Variants in GPC5 observed in about 807,000 individuals in gnomAD.
GPC5 encodes glypican-5.
A neutral mutation model predicts 53.9 loss-of-function variants in GPC5; 47 were observed. That is an observed-to-expected ratio of 0.87 (90% CI 0.69 to 1.11). The LOEUF is 1.11. Among genes scored for constraint, GPC5 ranks in the 50% most tolerant of loss-of-function variants. GPC5 has a pLI of 0.00. For synonymous variants in GPC5, 286 were observed against 263.3 expected, an observed-to-expected ratio of 1.09 and a Z score of -0.84; for missense variants, 748 against 713.1, an observed-to-expected ratio of 1.05 and a Z score of -0.56.
intron 7 of GPC5, among the ~76,000 whole-genome samples, chr13:92,287,604 C>T (rs1158755834): frequency 6.6e-6 from 1 of 152,112 alleles, no homozygotes; most frequent in Non-Finnish European, 1.5e-5. Flanking sequence ...ATCTCAGGGT[C>T]CTACAGCTTT....
intron 5 of GPC5, among the ~76,000 whole-genome samples, chr13:91,761,425 C>A (rs1208585856): frequency 6.6e-6 from 1 of 151,996 alleles, no homozygotes; most frequent in Non-Finnish European, 1.5e-5. Flanking sequence ...AATTCAATTC[C>A]AACACTATCT....
At chr13:92,403,381 G>C (rs1875645006) in intron 7 of GPC5, among the ~76,000 whole-genome samples, 1 of 152,184 alleles carries the variant, frequency 6.6e-6, no homozygotes, top group Non-Finnish European at 1.5e-5. Flanking sequence ...CCCATGGCCT[G>C]TTAGGAACTG....
In GPC5 at chr13:92,426,056, G is replaced by A. The variant is rs116963162; in HGVS notation, c.1561+281067G>A. On this transcript the variant is annotated intron_variant, in intron 7 of 7. Coordinates refer to ENST00000377067, the MANE Select transcript of GPC5 (RefSeq NM_004466.6). ...TTTTCTGTTAAAACAATACAACACC[G>A]AACACTGAAGGCCTCTGAGATTCCA... Among the ~76,000 whole-genome samples the A allele has an allele frequency of 5.2e-3, 794 of 152,062 alleles. 13 individuals are homozygous for A. Among genetic ancestry groups the A allele is most frequent in the Middle Eastern group, 0.027 (8 of 294 alleles).
intron 7 of GPC5, among the ~76,000 whole-genome samples, chr13:92,840,678 T>C (rs1039718852): frequency 3.3e-5 from 5 of 152,104 alleles, no homozygotes; most frequent in Non-Finnish European, 2.9e-5. Flanking sequence ...ATTAAGTTTA[T>C]AGATTGCTTT....
rs970710636 is a variant in GPC5, at chr13:92,240,010, CTG to C, written c.1561+95023_1561+95024del. 26 of 134,600 alleles carry C rather than the reference CTG, an allele frequency of 1.9e-4. 1 individual carries two copies. In the Middle Eastern group the frequency reaches 0.016, roughly 81 times the overall value. The allele number at this position is 134,600 out of a possible 1,614,324, so 8.3% of individuals were successfully genotyped here. A position where few individuals can be genotyped will look rare whatever the true frequency, so the allele number is the denominator to read the frequency against. On this transcript the variant is annotated intron_variant, in intron 7 of 7. Transcript: ENST00000377067. ...ATTTTCAAATTTGTTTAAACAAAAA[CTG>C]TATAAATTCCTTCTAGCTTTTTTAT...
intron 7 of GPC5, among the ~76,000 whole-genome samples, chr13:92,290,537 T>C (rs572518072): frequency 1.3e-5 from 2 of 152,286 alleles, no homozygotes; most frequent in East Asian, 3.9e-4. Context: ...TCTTATGTCA[T>C]TGCATCTTCA....
chr13:92,810,152 C>A (rs938239946), intron 7 of GPC5, among the ~76,000 whole-genome samples: 48 of 151,894 alleles, frequency 3.2e-4, no homozygotes, highest in Middle Eastern at 3.4e-3. Context: ...ATTGAAAAAC[C>A]CCTATACTTG....
At chr13:91,491,980 T>C (rs1157240738) in intron 2 of GPC5, among the ~76,000 whole-genome samples, 4 of 152,246 alleles carry the variant, frequency 2.6e-5, no homozygotes, top group African/African-American at 7.2e-5. Flanking sequence ...TCATTCATGC[T>C]TTCACTCATG....
chr13:92,796,661 T>C (rs2138781980), intron 7 of GPC5, among the ~76,000 whole-genome samples: 1 of 152,024 alleles, frequency 6.6e-6, no homozygotes, highest in South Asian at 2.1e-4. Flanking sequence ...ACAAAGAAAA[T>C]GACAATCTAC....
chr13:92,174,101 C>T (rs1041311149), intron 7 of GPC5, among the ~76,000 whole-genome samples: 20 of 151,542 alleles, frequency 1.3e-4, no homozygotes, highest in South Asian at 4.2e-4. Context: ...TGAGAGACCC[C>T]GTCAAAAAGA....
chr13:92,574,077 T>G (rs930202736), intron 7 of GPC5, among the ~76,000 whole-genome samples: 1 of 152,204 alleles, frequency 6.6e-6, no homozygotes, highest in African/African-American at 2.4e-5. Context: ...AAGGTATCTT[T>G]TAGTTTCCAC....
At chr13:92,264,533 C>T (rs1400848840) in intron 7 of GPC5, among the ~76,000 whole-genome samples, 1 of 151,980 alleles carries the variant, frequency 6.6e-6, no homozygotes, top group Non-Finnish European at 1.5e-5. Context: ...AAAAATGGAG[C>T]AAGGAGAGCT....
At chr13:92,286,301 G>C (rs774963542) in intron 7 of GPC5, among the ~76,000 whole-genome samples, 3 of 152,180 alleles carry the variant, frequency 2.0e-5, no homozygotes, top group African/African-American at 7.2e-5. Context: ...TTGTAAACTA[G>C]TTCAACCATT....
chr13:92,397,750 T>C (rs1211938284), intron 7 of GPC5, among the ~76,000 whole-genome samples: 1 of 152,198 alleles, frequency 6.6e-6, no homozygotes, highest in African/African-American at 2.4e-5. Context: ...TGTTTACTTA[T>C]TGGCGCGGAA....
At chr13:92,681,860 C>T (rs1460023394) in intron 7 of GPC5, among the ~76,000 whole-genome samples, 1 of 152,198 alleles carries the variant, frequency 6.6e-6, no homozygotes, top group Non-Finnish European at 1.5e-5. Flanking sequence ...GGAATTCAGT[C>T]TTCACCTCCC....
intron 7 of GPC5, among the ~76,000 whole-genome samples, chr13:92,753,010 C>A (rs1416554264): frequency 1.3e-5 from 2 of 152,190 alleles, no homozygotes; most frequent in African/African-American, 2.4e-5. Context: ...GGCCTGCCTG[C>A]CTCTGTAGGC....
chr13:92,699,837 T>TTTAC (rs1326491585), intron 7 of GPC5, among the ~76,000 whole-genome samples: 1 of 152,188 alleles, frequency 6.6e-6, no homozygotes, highest in African/African-American at 2.4e-5. Flanking sequence ...TGAGAAGTGT[T>TTTAC]TTACTTCCAA....
At chr13:91,613,507 C>A (rs1210982248) in intron 2 of GPC5, among the ~76,000 whole-genome samples, 1 of 152,128 alleles carries the variant, frequency 6.6e-6, no homozygotes, top group African/African-American at 2.4e-5. Context: ...CACAGCAAAA[C>A]CATATCACAG....
At chr13:91,698,872 C>G (rs1442692399) in intron 3 of GPC5, among the ~76,000 whole-genome samples, 1 of 152,114 alleles carries the variant, frequency 6.6e-6, no homozygotes, top group African/African-American at 2.4e-5. Flanking sequence ...ATGACACTTT[C>G]ACAATAATAA....
Sources: allele counts gnomAD v4.1 joint callset (sites outside exome capture counted in the v4.1 genomes callset), GRCh38; gene constraint gnomAD v4.1.1; transcripts MANE v1.5; gene names NCBI Gene and HGNC (gene_info 2026-07-23, HGNC 2026-07-21).